Variants in PTH2R observed in about 807,000 individuals in gnomAD.
PTH2R encodes PTH2 receptor.
A neutral mutation model predicts 60.3 loss-of-function variants in PTH2R; 59 were observed. That is an observed-to-expected ratio of 0.98 (90% CI 0.79 to 1.22). The LOEUF is 1.22. Ranked by LOEUF, PTH2R falls within the 50% of genes most tolerant of loss-of-function variation. The probability of loss-of-function intolerance (pLI) is 0.00; values close to 1 mark genes in which losing one functional copy is unlikely to be tolerated. For synonymous variants in PTH2R, 256 were observed against 243.8 expected, an observed-to-expected ratio of 1.05 and a Z score of -0.47; for missense variants, 749 against 682.6, an observed-to-expected ratio of 1.10 and a Z score of -1.08.
At chr2:208,378,108 C>T (rs1263809228) in intron 1 of PTH2R, among the ~76,000 whole-genome samples, 5 of 151,974 alleles carry the variant, frequency 3.3e-5, no homozygotes, top group Admixed American at 6.6e-5. Context: ...AACCAGACTC[C>T]GTCTGCAATC....
rs992209369 is a variant in PTH2R, at chr2:208,479,541, T to C, written c.982-1529T>C. Among the ~76,000 whole-genome samples the C allele has an allele frequency of 7.2e-5, 11 of 152,334 alleles. 1 individual carries two copies. The highest frequency in any genetic ancestry group is 2.4e-4 in the African/African-American group (10 of 41,574). ...GAATTAATGGGGCATGAAATAAATCTTGTCATTCAGAAAGTAGCACTCACG... is the reference window on the plus strand; with the variant it reads ...GAATTAATGGGGCATGAAATAAATCCTGTCATTCAGAAAGTAGCACTCACG... On this transcript the variant is annotated intron_variant, in intron 9 of 12. Transcript: ENST00000272847.
intron 1 of PTH2R, among the ~76,000 whole-genome samples, chr2:208,422,166 A>C (rs1701769303): frequency 6.6e-6 from 1 of 152,216 alleles, no homozygotes; most frequent in East Asian, 1.9e-4. Flanking sequence ...AGGGAAAAAA[A>C]GGGTGCAAAT....
intron 1 of PTH2R, chr2:208,360,931 G>T (rs1700460057): frequency 4.6e-6 from 1 of 219,688 alleles, no homozygotes; most frequent in East Asian, 1.1e-4. Flanking sequence ...GACGTCGCAG[G>T]GGGCATTAGC....
rs3832071 is a variant in PTH2R at position 208,493,920 on chromosome 2, A to ATT, written c.*267_*268dup. ...TATGGTATTTGCTCTGTGATTGTTCATTTTTTTCTGCTACTTTTGGGTAGA... is the reference window on the plus strand; with the variant it reads ...TATGGTATTTGCTCTGTGATTGTTCATTTTTTTTTCTGCTACTTTTGGGTAGA... On this transcript the variant is annotated 3_prime_UTR_variant, in exon 13 of 13. Coordinates refer to ENST00000272847, the MANE Select transcript of PTH2R (RefSeq NM_005048.4). 6.4e-5 allele frequency: 19 copies of ATT among 297,250 alleles called. No homozygotes were observed. The highest frequency in any genetic ancestry group is 1.1e-4 in the African/African-American group (5 of 46,558). 18.4% of individuals were successfully genotyped at this position (297,250 alleles called of 1,614,324 possible).
Position 208,442,436 on chromosome 2 carries a change from G to T in PTH2R, c.484G>T (p.Ala162Ser), listed in dbSNP as rs139604330. 292 of 1,611,560 alleles carry T rather than the reference G, an allele frequency of 1.8e-4. 15 individuals are homozygous for T. In the East Asian group the frequency reaches 2.3e-3, roughly 13 times the overall value. Reference protein sequence around the residue: ...YSISFGSLAVAILIIGYFRRL... With the variant: ...YSISFGSLAVSILIIGYFRRL... ...CATCTCTTTTGGTTCCTTGGCTGTG[G>T]CTATTCTCATCATTGGTTACTTCAG... Residue 162 changes from alanine to serine, a missense_variant, in exon 5 of 13, where the codon GCT becomes TCT. Coordinates refer to ENST00000272847, the MANE Select transcript of PTH2R (RefSeq NM_005048.4).
chr2:208,473,059 G>T (rs1309037353), intron 9 of PTH2R, among the ~76,000 whole-genome samples: 2 of 152,180 alleles, frequency 1.3e-5, no homozygotes, highest in Non-Finnish European at 2.9e-5. Context: ...GAGGACTTAG[G>T]TGGTATATGC....
chr2:208,401,913 A>T (rs1006805918), upstream of PTH2R, among the ~76,000 whole-genome samples: 5 of 152,080 alleles, frequency 3.3e-5, no homozygotes, highest in Non-Finnish European at 5.9e-5. Context: ...GTCCCCTTAC[A>T]CAGCTCCCTG....
At chr2:208,446,956 C>A (rs182997895) in intron 7 of PTH2R, among the ~76,000 whole-genome samples, 1 of 152,212 alleles carries the variant, frequency 6.6e-6, no homozygotes, top group South Asian at 2.1e-4. Flanking sequence ...TTACTGGCTT[C>A]ATTAGAGCAG....
intron 2 of PTH2R, among the ~76,000 whole-genome samples, chr2:208,436,547 G>A (rs899613619): frequency 2.6e-5 from 4 of 152,174 alleles, no homozygotes; most frequent in African/African-American, 7.2e-5. Flanking sequence ...AACAACAGAA[G>A]CCTAGGAGTC....
intron 2 of PTH2R, among the ~76,000 whole-genome samples, chr2:208,433,888 G>A (rs181411698): frequency 3.5e-4 from 54 of 152,298 alleles, no homozygotes; most frequent in African/African-American, 1.2e-3. Flanking sequence ...TAATTACAGA[G>A]TTATAATTAA....
chr2:208,458,827 C>T (rs543259868), intron 8 of PTH2R, among the ~76,000 whole-genome samples: 2 of 152,188 alleles, frequency 1.3e-5, no homozygotes, highest in South Asian at 2.1e-4. Context: ...ACATGTACCA[C>T]GTTTTCTTTA....
chr2:208,452,791 T>C (rs1190554558), intron 8 of PTH2R, among the ~76,000 whole-genome samples: 2 of 152,200 alleles, frequency 1.3e-5, no homozygotes, highest in Non-Finnish European at 2.9e-5. Context: ...ATTAAGTAAG[T>C]TAAAACTCAT....
intron 9 of PTH2R, among the ~76,000 whole-genome samples, chr2:208,464,841 C>A (rs1702710006): frequency 6.6e-6 from 1 of 152,140 alleles, no homozygotes; most frequent in African/African-American, 2.4e-5. Flanking sequence ...AAACAAAACC[C>A]CTTATTCTTT....
chr2:208,457,459 T>C (rs1702536917), intron 8 of PTH2R, among the ~76,000 whole-genome samples: 1 of 152,242 alleles, frequency 6.6e-6, no homozygotes, highest in Non-Finnish European at 1.5e-5. Flanking sequence ...GATTTGGCTG[T>C]GGTATATTCT....
chr2:208,493,196 A>G, intron 12 of PTH2R, 68 bp from the exon 13 acceptor site: 7 of 1,378,934 alleles, frequency 5.1e-6, no homozygotes, highest in Non-Finnish European at 6.6e-6. Flanking sequence ...CAAGGCAAAC[A>G]TCTTTGTAAC....
intron 4 of PTH2R, among the ~76,000 whole-genome samples, 193 bp from the exon 5 acceptor site, chr2:208,442,171 G>C (rs1025213818): frequency 1.3e-5 from 2 of 152,046 alleles, no homozygotes; most frequent in Non-Finnish European, 2.9e-5. Flanking sequence ...CTAGCAAGGG[G>C]CACAAATGAA....
In PTH2R at chr2:208,461,452, G is replaced by C. The variant is rs3769518; in HGVS notation, c.981+1491G>C. On this transcript the variant is annotated intron_variant, in intron 9 of 12. Transcript: ENST00000272847. ...TTTCTAGTTCCTCCTCTGTGTGTTT[G>C]CTTCTCCATATCTTACTATTATCTT... Among the ~76,000 whole-genome samples the C allele has an allele frequency of 2.5e-4, 38 of 152,044 alleles. No individual in the cohort carries two copies. The East Asian group carries it at 6.7e-3, about 27-fold the overall frequency.
chr2:208,398,831 C>G (rs534303696), intron 1 of PTH2R, among the ~76,000 whole-genome samples: 161 of 152,310 alleles, frequency 1.1e-3, no homozygotes, highest in Non-Finnish European at 1.9e-3. Context: ...CTCTTGAATT[C>G]TAGCTCTTAA....
At chr2:208,359,746 G>A (rs980214553) in exon 1 of PTH2R, 3 of 153,698 alleles carry the variant, frequency 2.0e-5, no homozygotes, top group African/African-American at 7.2e-5. Context: ...CACTACGTGA[G>A]GGGAGGCTTC....
Sources: allele counts gnomAD v4.1 joint callset (sites outside exome capture counted in the v4.1 genomes callset), GRCh38; gene constraint gnomAD v4.1.1; transcripts MANE v1.5; gene names NCBI Gene and HGNC (gene_info 2026-07-23, HGNC 2026-07-21).